Variants in ZNF536 observed in about 807,000 individuals in gnomAD.
ZNF536 encodes the protein zinc finger protein 536.
Under a neutral mutation model 84.5 loss-of-function variants are expected in ZNF536, and 13 were observed. The ratio of observed to expected loss-of-function variants is 0.15; its 90% CI spans 0.10 to 0.24. The LOEUF (loss-of-function observed/expected upper bound fraction) is 0.24, where lower values mean the gene tolerates loss of function less well. Ranked by LOEUF, ZNF536 falls within the 10% of genes least tolerant of loss-of-function variation. The pLI, the probability that ZNF536 is intolerant of heterozygous loss-of-function variation, is 1.00. For synonymous variants in ZNF536, 811 were observed against 742.5 expected (o/e 1.09, Z -1.50); for missense variants, 1,536 against 1,747.5 (o/e 0.88, Z 2.16).
At chr19:30,654,555 T>G (rs191805029) in intron 1 of ZNF536, among the ~76,000 whole-genome samples, 1 of 152,260 alleles carries the variant, frequency 6.6e-6, no homozygotes, top group East Asian at 1.9e-4. Context: ...GATTTCTCCA[T>G]GACTGCACCT....
intron 1 of ZNF536, among the ~76,000 whole-genome samples, chr19:30,377,166 C>G (rs1333966750): frequency 6.6e-6 from 1 of 152,164 alleles, no homozygotes; most frequent in Non-Finnish European, 1.5e-5. Flanking sequence ...GCCCACTAGA[C>G]TGAAGGCCTC....
At chr19:30,604,045 G>A (rs958193612) in intron 1 of ZNF536, among the ~76,000 whole-genome samples, 1 of 152,070 alleles carries the variant, frequency 6.6e-6, no homozygotes, top group Admixed American at 6.6e-5. Flanking sequence ...AGCCGAGATT[G>A]CACCATTGCA....
At chr19:30,528,172 G>A (rs1051275974) in intron 2 of ZNF536, among the ~76,000 whole-genome samples, 1 of 152,084 alleles carries the variant, frequency 6.6e-6, no homozygotes, top group Non-Finnish European at 1.5e-5. Flanking sequence ...TTACCCATGC[G>A]TGCTTGCTGG....
intron 1 of ZNF536, among the ~76,000 whole-genome samples, chr19:30,704,669 A>G (rs921632946): frequency 2.0e-5 from 3 of 151,022 alleles, no homozygotes; most frequent in Non-Finnish European, 3.0e-5. Flanking sequence ...AAAAAAAAAA[A>G]AGAGATAGAT....
At chr19:30,553,633 T>C (rs1199620212) in intron 4 of ZNF536, among the ~76,000 whole-genome samples, 1 of 152,188 alleles carries the variant, frequency 6.6e-6, no homozygotes, top group African/African-American at 2.4e-5. Context: ...CTGTAGTGAC[T>C]GCCACTCAGG....
At chr19:30,284,545 C>T (rs2045564611) in intron 2 of ZNF536, among the ~76,000 whole-genome samples, 1 of 152,198 alleles carries the variant, frequency 6.6e-6, no homozygotes, top group Non-Finnish European at 1.5e-5. Context: ...AGTGGCTTGG[C>T]CCAGTCTTGG....
intron 1 of ZNF536, among the ~76,000 whole-genome samples, chr19:30,395,231 C>T (rs2049766515): frequency 1.3e-5 from 2 of 152,278 alleles, no homozygotes; most frequent in South Asian, 4.1e-4. Context: ...GTTTATGACT[C>T]TAAAATCAGA....
chr19:30,708,150 G>A (rs187200214), intron 1 of ZNF536, among the ~76,000 whole-genome samples: 1 of 150,958 alleles, frequency 6.6e-6, no homozygotes, highest in Admixed American at 6.6e-5. Flanking sequence ...AGATGGTCAT[G>A]GTTCTTGCCC....
intron 1 of ZNF536, among the ~76,000 whole-genome samples, chr19:30,580,590 C>T (rs2046886726): frequency 6.6e-6 from 1 of 152,024 alleles, no homozygotes; most frequent in Non-Finnish European, 1.5e-5. Flanking sequence ...CTCTCCCAGC[C>T]CCTCTTCCAA....
intron 1 of ZNF536, among the ~76,000 whole-genome samples, chr19:30,385,035 A>AT (rs1324142380): frequency 6.6e-6 from 1 of 151,808 alleles, no homozygotes; most frequent in East Asian, 1.9e-4. Flanking sequence ...CAAAAAAAAA[A>AT]GCAAACAAAA....
intron 2 of ZNF536, among the ~76,000 whole-genome samples, chr19:30,292,204 G>A (rs1287177339): frequency 6.6e-6 from 1 of 152,124 alleles, no homozygotes; most frequent in African/African-American, 2.4e-5. Context: ...ACTTGTACAA[G>A]TCACATGTTA....
intron 1 of ZNF536, among the ~76,000 whole-genome samples, chr19:30,583,862 G>A (rs1403497728): frequency 6.6e-6 from 1 of 152,182 alleles, no homozygotes; most frequent in Admixed American, 6.5e-5. Context: ...GGCTATTGAT[G>A]GAGACCCGAG....
chr19:30,593,443 A>G (rs1459340633), intron 1 of ZNF536, among the ~76,000 whole-genome samples: 1 of 152,172 alleles, frequency 6.6e-6, no homozygotes, highest in African/African-American at 2.4e-5. Context: ...TTGTGAATTC[A>G]GCAGCAGACA....
intron 2 of ZNF536, among the ~76,000 whole-genome samples, chr19:30,481,170 T>C (rs2144851855): frequency 6.6e-6 from 1 of 152,386 alleles, no homozygotes; most frequent in East Asian, 1.9e-4. Flanking sequence ...AACATGTTCC[T>C]TCTTGTTTCC....
chr19:30,632,691 C>T (rs1425431658), intron 1 of ZNF536, among the ~76,000 whole-genome samples: 1 of 146,110 alleles, frequency 6.8e-6, no homozygotes, highest in Non-Finnish European at 1.5e-5. Flanking sequence ...ACCAACCAAC[C>T]AGAAGTCCTG....
chr19:30,243,424 C>T (rs2144911221), intron 1 of ZNF536, among the ~76,000 whole-genome samples: 1 of 152,242 alleles, frequency 6.6e-6, no homozygotes, highest in East Asian at 1.9e-4. Context: ...AGTTCTTTTT[C>T]CTCCGAGGAA....
intron 1 of ZNF536, among the ~76,000 whole-genome samples, chr19:30,258,116 A>T (rs1234860593): frequency 6.6e-6 from 1 of 152,176 alleles, no homozygotes; most frequent in Non-Finnish European, 1.5e-5. Context: ...TCACCCTTAC[A>T]TCTGAGAATA....
At chr19:30,612,039 T>C (rs1211074443) in intron 1 of ZNF536, among the ~76,000 whole-genome samples, 1 of 152,200 alleles carries the variant, frequency 6.6e-6, no homozygotes, top group Non-Finnish European at 1.5e-5. Context: ...CACACTGAAG[T>C]GAGGATGGGT....
chr19:30,403,539 C>A (rs1179467327), intron 1 of ZNF536, among the ~76,000 whole-genome samples: 1 of 152,226 alleles, frequency 6.6e-6, no homozygotes, highest in African/African-American at 2.4e-5. Context: ...GGGCTTCTCT[C>A]TTCTTTCTGC....
Sources: gnomAD v4.1 joint callset for allele counts (sites outside exome capture counted in the v4.1 genomes callset) on GRCh38, gnomAD v4.1.1 for gene constraint, MANE v1.5 for transcripts, NCBI Gene and HGNC (gene_info 2026-07-23, HGNC 2026-07-21) for gene names.